Variants in MAOB observed in about 807,000 individuals in gnomAD.
The protein encoded by MAOB is amine oxidase [flavin-containing] B.
A neutral mutation model predicts 41.9 loss-of-function variants in MAOB; 15 were observed. The ratio of observed to expected loss-of-function variants is 0.36; its 90% CI spans 0.24 to 0.55. The LOEUF is 0.55. Ranked by LOEUF, MAOB falls within the 20% of genes least tolerant of loss-of-function variation. The pLI, the probability that MAOB is intolerant of heterozygous loss-of-function variation, is 0.86. For synonymous variants in MAOB, 167 were observed against 144.2 expected (o/e 1.16, Z -1.13); for missense variants, 345 against 398.7 (o/e 0.87, Z 1.15).
intron 8 of MAOB, among the ~76,000 whole-genome samples, chrX:43,789,593 A>C (rs985934911): frequency 4.5e-5 from 5 of 111,925 alleles, no homozygotes; most frequent in African/African-American, 6.5e-5. Flanking sequence ...TGAAGGGCTG[A>C]TGCATCCCGT....
intron 1 of MAOB, among the ~76,000 whole-genome samples, chrX:43,878,408 T>TTGTGTGTGTGTG (rs66511222): frequency 1.1e-5 from 1 of 88,875 alleles, no homozygotes; most frequent in African/African-American, 4.1e-5. Flanking sequence ...TACCCAGCCT[T>TTGTGTGTGTGTG]TGTGTGTGTG....
At position 43,800,807 on chromosome X, in the gene MAOB, T is replaced by C. The variant is rs370526468; in HGVS notation, c.476+1365A>G. On this transcript the variant is annotated intron_variant, in intron 5 of 14. Transcript: ENST00000378069. ...GCATGGTAATATTAAACGTTAAAAA[T>C]ACTTCAATGGATGTCCATTGCTTTT... Among the ~76,000 whole-genome samples, 409 of 112,148 alleles carry C rather than the reference T, an allele frequency of 3.6e-3. 2 individuals carry two copies. The highest frequency in any genetic ancestry group is 0.012 in the African/African-American group (380 of 30,953).
intron 1 of MAOB, among the ~76,000 whole-genome samples, chrX:43,872,931 T>C (rs761174506): frequency 1.6e-3 from 183 of 112,322 alleles, no homozygotes; most frequent in African/African-American, 5.2e-3. Context: ...TATTTCTGCA[T>C]TCATGCTATT....
intron 2 of MAOB, among the ~76,000 whole-genome samples, chrX:43,842,993 C>T (rs2035156820): frequency 1.8e-5 from 2 of 110,896 alleles, no homozygotes; most frequent in Admixed American, 1.9e-4. Flanking sequence ...TTTTGAAATC[C>T]ATTGCACAGT....
In MAOB at chrX:43,857,084, A is replaced by AATATAT. The variant is rs1157628579; in HGVS notation, c.47-13326_47-13321dup. On this transcript the variant is annotated intron_variant, in intron 1 of 14. Transcript: ENST00000378069. ...CTCAACACAAACTACCTATTCTTTA[A>AATATAT]ATATATATATATATATATATATATA... Among the ~76,000 whole-genome samples the AATATAT allele has an allele frequency of 2.6e-3, 60 of 22,705 alleles. 3 individuals carry two copies. The highest frequency in any genetic ancestry group is 5.7e-3 in the South Asian group (1 of 174). 19.7% of individuals were successfully genotyped at this position (22,705 alleles called of 115,157 possible).
chrX:43,797,308 G>C (rs763857469), intron 5 of MAOB, 42 bp from the exon 6 acceptor site: 2 of 1,055,475 alleles, frequency 1.9e-6, no homozygotes, highest in Non-Finnish European at 2.5e-6. Context: ...AAACGCAGGA[G>C]AGCAGCTTCT....
chrX:43,847,193 A>T (rs1433663103), intron 1 of MAOB, among the ~76,000 whole-genome samples: 1 of 110,176 alleles, frequency 9.1e-6, no homozygotes, highest in Non-Finnish European at 1.9e-5. Context: ...AAAATACGAA[A>T]ATTACCCGGG....
In MAOB at chrX:43,795,870, C is replaced by T; in HGVS notation, c.637G>A (p.Gly213Arg). The T allele has an allele frequency of 8.3e-7, 1 of 1,207,333 alleles. No individual in the cohort carries two copies. Among genetic ancestry groups the T allele is most frequent in the Non-Finnish European group, 1.1e-6 (1 of 893,891 alleles). ...ATCCGCTCACTCACTTGACCAGATC[C>T]GCCCACAAATTTCCTCTCCTGGAAA... ...NGGQERKFVG[G>R]SGQVSERIMD... is the part of the protein sequence containing the mutation. The change falls in exon 7 of 15, where the codon GGA becomes AGA. Residue 213 changes from glycine to arginine, a missense_variant. Physicochemically the swap from Gly to Arg is moderately radical, Grantham distance 125 (BLOSUM62 -2). Coordinates refer to ENST00000378069, the MANE Select transcript of MAOB (RefSeq NM_000898.5).
At chrX:43,783,389 T>C (rs1189631306) in intron 8 of MAOB, among the ~76,000 whole-genome samples, 1 of 111,719 alleles carries the variant, frequency 9.0e-6, no homozygotes, top group Admixed American at 9.5e-5. Flanking sequence ...TCTTCCTCAG[T>C]TCCCTCCTGA....
At chrX:43,815,800 ACTGGCAGTAC>A (rs1367554764) in intron 3 of MAOB, among the ~76,000 whole-genome samples, 1 of 111,841 alleles carries the variant, frequency 8.9e-6, no homozygotes, top group Non-Finnish European at 1.9e-5. Flanking sequence ...CCTTTGGAAA[ACTGGCAGTAC>A]CTACTAAAGC....
chrX:43,843,521 C>G, intron 2 of MAOB, 149 bp downstream of exon 2: 1 of 484,610 alleles, frequency 2.1e-6, no homozygotes, highest in East Asian at 3.9e-5. Flanking sequence ...GGAAGGCAAA[C>G]TGGGAGAGAG....
chrX:43,806,788 A>G (rs1205215159), intron 3 of MAOB, among the ~76,000 whole-genome samples: 3 of 112,067 alleles, frequency 2.7e-5, no homozygotes, highest in Non-Finnish European at 5.6e-5. Flanking sequence ...ATAACAGTGG[A>G]CATATATATG....
At chrX:43,848,807 G>A (rs1293876438) in intron 1 of MAOB, among the ~76,000 whole-genome samples, 2 of 111,676 alleles carry the variant, frequency 1.8e-5, no homozygotes, top group Non-Finnish European at 3.8e-5. Flanking sequence ...GCCTGCCTCG[G>A]CCTCCCAAAG....
chrX:43,850,195 G>C (rs1602025762), intron 1 of MAOB: 2 of 185,851 alleles, frequency 1.1e-5, no homozygotes, highest in Middle Eastern at 3.3e-3. Context: ...GTCTTAATGG[G>C]TGTTGCCTCA....
At chrX:43,825,203 T>TTTTG (rs1200790513) in intron 3 of MAOB, among the ~76,000 whole-genome samples, 1 of 111,028 alleles carries the variant, frequency 9.0e-6, no homozygotes, top group East Asian at 2.8e-4. Flanking sequence ...GAGTTTTGTT[T>TTTTG]TTTGTTTGTT....
chrX:43,810,635 T>C (rs1299627755), intron 3 of MAOB, among the ~76,000 whole-genome samples: 2 of 111,716 alleles, frequency 1.8e-5, no homozygotes, highest in African/African-American at 6.5e-5. Flanking sequence ...TTAGAGGCTC[T>C]GGACTAGAAT....
At chrX:43,791,032 A>T (rs2034456913) in intron 8 of MAOB, among the ~76,000 whole-genome samples, 1 of 111,918 alleles carries the variant, frequency 8.9e-6, no homozygotes, top group Non-Finnish European at 1.9e-5. Flanking sequence ...GGGTCACAAG[A>T]GGAAGAGATT....
intron 6 of MAOB, among the ~76,000 whole-genome samples, chrX:43,796,232 A>G (rs775798031): frequency 9.0e-6 from 1 of 111,272 alleles, no homozygotes; most frequent in Non-Finnish European, 1.9e-5. Context: ...AGCTGTACCT[A>G]AAGCTCTTCC....
At chrX:43,818,028 A>G (rs1371042744) in intron 3 of MAOB, among the ~76,000 whole-genome samples, 1 of 112,321 alleles carries the variant, frequency 8.9e-6, no homozygotes, top group African/African-American at 3.2e-5. Flanking sequence ...GAATAAATAA[A>G]TATCTGATAG....
Sources: gnomAD v4.1 joint callset for allele counts (sites outside exome capture counted in the v4.1 genomes callset) on GRCh38, gnomAD v4.1.1 for gene constraint, MANE v1.5 for transcripts, NCBI Gene and HGNC (gene_info 2026-07-23, HGNC 2026-07-21) for gene names.